The following FAT3 variants were observed in gnomAD, a reference collection of about 807,000 sequenced individuals.
The protein encoded by FAT3 is FAT atypical cadherin 3.
In FAT3, 95 loss-of-function variants were observed where a neutral mutation model predicts 310.2. That is an observed-to-expected ratio of 0.31 (90% CI 0.26 to 0.36). The LOEUF (loss-of-function observed/expected upper bound fraction) is 0.36, where lower values mean the gene tolerates loss of function less well. Ranked by LOEUF, FAT3 falls within the 10% of genes least tolerant of loss-of-function variation. The probability of loss-of-function intolerance (pLI) is 1.00; values close to 1 mark genes in which losing one functional copy is unlikely to be tolerated. For missense variants in FAT3, 5,408 were observed against 5,715.6 expected (o/e 0.95, Z 1.74); for synonymous variants, 2,314 against 2,192.9 (o/e 1.06, Z -1.54).
At chr11:92,335,049 A>G (rs898977970) in intron 1 of FAT3, among the ~76,000 whole-genome samples, 1 of 152,140 alleles carries the variant, frequency 6.6e-6, no homozygotes, top group Non-Finnish European at 1.5e-5. Context: ...TGTCGCCACA[A>G]TGTTTGATGA....
intron 2 of FAT3, among the ~76,000 whole-genome samples, chr11:92,492,313 T>C (rs563980736): frequency 1.3e-5 from 2 of 151,732 alleles, no homozygotes; most frequent in African/African-American, 4.8e-5. Flanking sequence ...CCATCCATGC[T>C]CACTAACCTT....
intron 2 of FAT3, among the ~76,000 whole-genome samples, chr11:92,433,891 C>A (rs940400251): frequency 7.9e-5 from 12 of 151,890 alleles, no homozygotes; most frequent in Non-Finnish European, 1.5e-4. Flanking sequence ...TAGTGGGCAC[C>A]TGTAGTCCCA....
At chr11:92,280,609 A>G (rs1344516937) in intron 1 of FAT3, among the ~76,000 whole-genome samples, 1 of 152,220 alleles carries the variant, frequency 6.6e-6, no homozygotes, top group Non-Finnish European at 1.5e-5. Flanking sequence ...AATCACAAAC[A>G]GGATCATGAA....
At chr11:92,716,255 A>T (rs756149109) in intron 4 of FAT3, among the ~76,000 whole-genome samples, 2 of 152,168 alleles carry the variant, frequency 1.3e-5, no homozygotes, top group African/African-American at 4.8e-5. Context: ...TTCCTCATGG[A>T]TGTCAGAAGC....
intron 3 of FAT3, among the ~76,000 whole-genome samples, chr11:92,535,551 A>G (rs1954227033): frequency 6.6e-6 from 1 of 152,120 alleles, no homozygotes; most frequent in Non-Finnish European, 1.5e-5. Context: ...AGGACCACTG[A>G]CTCCTAGTGC....
In FAT3 at chr11:92,866,901, G is replaced by A. The variant is rs2136348879; in HGVS notation, c.11819G>A (p.Arg3940Gln). 1 of 1,613,958 alleles carries A rather than the reference G, an allele frequency of 6.2e-7. No individual in the cohort carries two copies. The highest frequency in any genetic ancestry group is 1.7e-5 in the Admixed American group (1 of 60,030). The part of the protein sequence containing the change: ...SLSLDDSYVE[R>Q]RRAPLYFQTL... ...TCCCTGGATGACAGCTACGTGGAGCGGCGCCGGGCGCCCCTCTACTTCCAG... is the reference window on the plus strand; with the variant it reads ...TCCCTGGATGACAGCTACGTGGAGCAGCGCCGGGCGCCCCTCTACTTCCAG... The change falls in exon 22 of 28, where the codon CGG becomes CAG. Residue 3940 changes from arginine (R) to glutamine (Q), a missense_variant. Around this residue, in one of 5 missense-constraint regions of FAT3, gnomAD observed 4,588 missense variants for 4,809.8 expected, o/e 0.95. Coordinates refer to ENST00000525166, the MANE Select transcript of FAT3 (RefSeq NM_001367949.2).
At chr11:92,351,692 T>C (rs911389331) in intron 1 of FAT3, among the ~76,000 whole-genome samples, 5 of 152,140 alleles carry the variant, frequency 3.3e-5, no homozygotes, top group African/African-American at 1.2e-4. Flanking sequence ...TAAACTGTGC[T>C]ATAACAGATA....
intron 2 of FAT3, among the ~76,000 whole-genome samples, chr11:92,394,669 A>C (rs1035847296): frequency 1.3e-5 from 2 of 151,902 alleles, no homozygotes; most frequent in African/African-American, 4.8e-5. Flanking sequence ...TTATCAAAAA[A>C]CTCTGTATCT....
intron 22 of FAT3, among the ~76,000 whole-genome samples, chr11:92,871,409 T>G (rs965394455): frequency 6.6e-6 from 1 of 152,112 alleles, no homozygotes; most frequent in African/African-American, 2.4e-5. Flanking sequence ...CCACCCCAAA[T>G]CCACTGAATC....
At chr11:92,802,552 A>G (rs1947390604) in intron 10 of FAT3, among the ~76,000 whole-genome samples, 2 of 152,202 alleles carry the variant, frequency 1.3e-5, no homozygotes, top group African/African-American at 4.8e-5. Context: ...AGAAAATGTC[A>G]CTGTTGCCCT....
intron 4 of FAT3, among the ~76,000 whole-genome samples, chr11:92,715,241 TAA>T (rs760806391): frequency 5.7e-4 from 66 of 116,202 alleles, no homozygotes; most frequent in East Asian, 3.4e-3. Flanking sequence ...CCGTCTCCAC[TAA>T]AAAAAAAAAA....
intron 3 of FAT3, among the ~76,000 whole-genome samples, chr11:92,538,867 A>G (rs1324068221): frequency 6.6e-6 from 1 of 152,118 alleles, no homozygotes; most frequent in East Asian, 1.9e-4. Context: ...TGGTTGTTTT[A>G]GGAAGGAAAG....
At chr11:92,488,564 G>A (rs182591636) in intron 2 of FAT3, among the ~76,000 whole-genome samples, 11 of 149,286 alleles carry the variant, frequency 7.4e-5, no homozygotes, top group East Asian at 6.1e-4. Flanking sequence ...TCCAGGGACC[G>A]CACTTTAAGA....
chr11:92,649,794 A>G (rs1942300441), intron 3 of FAT3, among the ~76,000 whole-genome samples: 1 of 146,970 alleles, frequency 6.8e-6, no homozygotes, highest in African/African-American at 2.5e-5. Context: ...TCAAAGTGAA[A>G]TCATAAGTGA....
intron 2 of FAT3, among the ~76,000 whole-genome samples, chr11:92,453,360 T>C (rs527598511): frequency 2.6e-5 from 4 of 152,326 alleles, no homozygotes; most frequent in African/African-American, 7.2e-5. Context: ...GCAAAATGGT[T>C]GATTCCCCTT....
At chr11:92,467,806 C>A (rs1335977161) in intron 2 of FAT3, among the ~76,000 whole-genome samples, 1 of 152,138 alleles carries the variant, frequency 6.6e-6, no homozygotes, top group South Asian at 2.1e-4. Flanking sequence ...CATTGTTTCT[C>A]CAATCCTAGG....
At chr11:92,296,437 GT>G (rs1447679037) in intron 1 of FAT3, among the ~76,000 whole-genome samples, 1 of 152,066 alleles carries the variant, frequency 6.6e-6, no homozygotes, top group African/African-American at 2.4e-5. Flanking sequence ...ATTATACTAG[GT>G]ATAAAGGGAG....
chr11:92,297,240 CAT>C (rs1316421152), intron 1 of FAT3, among the ~76,000 whole-genome samples: 2 of 152,028 alleles, frequency 1.3e-5, no homozygotes, highest in Non-Finnish European at 2.9e-5. Flanking sequence ...TCTGAATTTT[CAT>C]AGTGTTTCAT....
intron 22 of FAT3, among the ~76,000 whole-genome samples, chr11:92,869,627 CA>C: frequency 6.6e-6 from 1 of 152,198 alleles, no homozygotes; most frequent in African/African-American, 2.4e-5. Flanking sequence ...ATCCTATCTG[CA>C]AATTCCTTAA....
Sources: allele counts gnomAD v4.1 joint callset (sites outside exome capture counted in the v4.1 genomes callset), GRCh38; gene constraint gnomAD v4.1.1; regional missense constraint gnomAD v4.1.1; transcripts MANE v1.5; gene names NCBI Gene and HGNC (gene_info 2026-07-23, HGNC 2026-07-21).